The following RBFOX1 variants were observed in gnomAD, a reference collection of about 807,000 sequenced individuals.
RBFOX1 encodes the protein RNA binding fox-1 homolog 1, also known as RNA binding protein fox-1 homolog 1.
A neutral mutation model predicts 57.7 loss-of-function variants in RBFOX1; 8 were observed. That is an observed-to-expected ratio of 0.14 (90% CI 0.08 to 0.25). The LOEUF (loss-of-function observed/expected upper bound fraction) is 0.25. RBFOX1 is among the 10% of genes least tolerant of loss of function. The pLI, the probability that RBFOX1 is intolerant of heterozygous loss-of-function variation, is 1.00. For missense variants in RBFOX1, 611 were observed against 548.5 expected (o/e 1.11, Z -1.14); for synonymous variants, 326 against 222.4 (o/e 1.47, Z -4.15).
At chr16:6,275,271 A>G (rs994664109) in intron 1 of RBFOX1, among the ~76,000 whole-genome samples, 1 of 151,822 alleles carries the variant, frequency 6.6e-6, no homozygotes, top group African/African-American at 2.4e-5. Flanking sequence ...AGATCATGCC[A>G]TTGCACTTCA....
chr16:6,107,720 T>TTGTGG (rs2096398777), intron 1 of RBFOX1, among the ~76,000 whole-genome samples: 1 of 79,374 alleles, frequency 1.3e-5, no homozygotes, highest in Non-Finnish European at 2.5e-5. Context: ...TGGATGGATT[T>TTGTGG]GTGGGTGGGT....
At chr16:6,588,342 C>T (rs1419532361) in intron 2 of RBFOX1, among the ~76,000 whole-genome samples, 2 of 151,886 alleles carry the variant, frequency 1.3e-5, no homozygotes, top group Non-Finnish European at 2.9e-5. Flanking sequence ...TTATTTCTTT[C>T]ACAGCTTTTG....
chr16:6,637,111 TA>T (rs1567983979), intron 2 of RBFOX1, among the ~76,000 whole-genome samples: 1 of 93,058 alleles, frequency 1.1e-5, no homozygotes, highest in African/African-American at 4.4e-5. Flanking sequence ...ATATATTATA[TA>T]ATATATAAAT....
At chr16:7,575,115 G>C (rs1602245393) in intron 5 of RBFOX1, among the ~76,000 whole-genome samples, 1 of 151,958 alleles carries the variant, frequency 6.6e-6, no homozygotes, top group African/African-American at 2.4e-5. Context: ...AATCCTCCTG[G>C]ATTTAGGATG....
chr16:5,281,501 C>T (rs1366542154), intron 1 of RBFOX1, among the ~76,000 whole-genome samples: 1 of 152,182 alleles, frequency 6.6e-6, no homozygotes, highest in Non-Finnish European at 1.5e-5. Context: ...TCTAGATGAA[C>T]TGTCCAATGC....
intron 3 of RBFOX1, among the ~76,000 whole-genome samples, chr16:6,896,312 A>T (rs1164713572): frequency 6.6e-6 from 1 of 152,098 alleles, no homozygotes; most frequent in Non-Finnish European, 1.5e-5. Context: ...ATCCAAGTAC[A>T]CTCTTTTAGT....
intron 3 of RBFOX1, among the ~76,000 whole-genome samples, chr16:6,856,092 C>G (rs1339291950): frequency 6.6e-6 from 1 of 151,018 alleles, no homozygotes; most frequent in Non-Finnish European, 1.5e-5. Flanking sequence ...AATGAAGACC[C>G]TTCCCTTCCC....
chr16:5,807,163 C>T (rs2055257131), intron 3 of RBFOX1, among the ~76,000 whole-genome samples: 1 of 152,206 alleles, frequency 6.6e-6, no homozygotes, highest in African/African-American at 2.4e-5. Context: ...TACTTAACCT[C>T]TCAGAGCCTT....
intron 4 of RBFOX1, among the ~76,000 whole-genome samples, chr16:7,078,232 A>G (rs1178069898): frequency 1.3e-5 from 2 of 152,216 alleles, no homozygotes; most frequent in Non-Finnish European, 2.9e-5. Context: ...GATGTCCACT[A>G]TACAGAGTTT....
intron 1 of RBFOX1, among the ~76,000 whole-genome samples, chr16:5,393,355 G>A (rs901860393): frequency 2.0e-5 from 3 of 152,206 alleles, no homozygotes; most frequent in Non-Finnish European, 4.4e-5. Context: ...GTATCTGTCC[G>A]TGTCCAGGCA....
At chr16:6,083,396 G>A (rs1278642984) in intron 1 of RBFOX1, among the ~76,000 whole-genome samples, 1 of 152,206 alleles carries the variant, frequency 6.6e-6, no homozygotes, top group Admixed American at 6.5e-5. Context: ...TAAAACATGT[G>A]TTCCTAGATA....
At chr16:7,037,639 CACT>C (rs1422003759) in intron 3 of RBFOX1, among the ~76,000 whole-genome samples, 1 of 152,176 alleles carries the variant, frequency 6.6e-6, no homozygotes, top group Admixed American at 6.5e-5. Flanking sequence ...GTGTGATAGG[CACT>C]CTTCTAATTG....
At chr16:7,339,267 G>T (rs1335288802) in intron 4 of RBFOX1, among the ~76,000 whole-genome samples, 2 of 152,110 alleles carry the variant, frequency 1.3e-5, no homozygotes, top group African/African-American at 4.8e-5. Context: ...ATTATCTATT[G>T]AGCACCTACT....
intron 4 of RBFOX1, among the ~76,000 whole-genome samples, chr16:7,209,944 A>C (rs954485336): frequency 6.6e-6 from 1 of 152,192 alleles, no homozygotes; most frequent in Admixed American, 6.5e-5. Context: ...TAGGCAGGCA[A>C]AATGAAAGCT....
intron 3 of RBFOX1, among the ~76,000 whole-genome samples, chr16:6,832,152 T>G (rs1210207211): frequency 6.6e-6 from 1 of 152,224 alleles, no homozygotes; most frequent in Non-Finnish European, 1.5e-5. Flanking sequence ...CGATTCAACT[T>G]TGTTCCTAAA....
At chr16:6,235,829 G>C (rs2097501741) in intron 1 of RBFOX1, among the ~76,000 whole-genome samples, 1 of 152,036 alleles carries the variant, frequency 6.6e-6, no homozygotes, top group East Asian at 1.9e-4. Context: ...GCACAAGAAT[G>C]ATACAATGGA....
intron 2 of RBFOX1, among the ~76,000 whole-genome samples, chr16:6,496,633 A>C (rs1237452820): frequency 6.6e-6 from 1 of 152,148 alleles, no homozygotes; most frequent in Non-Finnish European, 1.5e-5. Context: ...CGAAGACACC[A>C]ATGCTCTTGG....
intron 2 of RBFOX1, among the ~76,000 whole-genome samples, chr16:6,333,010 T>C (rs974402454): frequency 1.3e-5 from 2 of 152,214 alleles, no homozygotes; most frequent in Non-Finnish European, 2.9e-5. Flanking sequence ...TGATCCAATG[T>C]CATGTTTTGA....
At chr16:5,254,385 T>G (rs1437714271) in intron 1 of RBFOX1, among the ~76,000 whole-genome samples, 1 of 152,232 alleles carries the variant, frequency 6.6e-6, no homozygotes, top group Non-Finnish European at 1.5e-5. Context: ...CATACTTGTC[T>G]GTGGGCCTTC....
Sources: allele counts gnomAD v4.1 joint callset (sites outside exome capture counted in the v4.1 genomes callset), GRCh38; gene constraint gnomAD v4.1.1; transcripts MANE v1.5; gene names NCBI Gene and HGNC (gene_info 2026-07-23, HGNC 2026-07-21).